Variants in PCLO observed in about 807,000 individuals in gnomAD.
PCLO encodes the protein protein piccolo.
A neutral mutation model predicts 427.5 loss-of-function variants in PCLO; 82 were observed. That is an observed-to-expected ratio of 0.19 (90% CI 0.16 to 0.23). The LOEUF is 0.23. Ranked by LOEUF, PCLO falls within the 10% of genes least tolerant of loss-of-function variation. PCLO has a pLI of 1.00. For missense variants in PCLO, 6,239 were observed against 6,115.9 expected, an observed-to-expected ratio of 1.02 and a Z score of -0.67; for synonymous variants, 2,357 against 2,155.4, an observed-to-expected ratio of 1.09 and a Z score of -2.59.
chr7:83,051,148 T>C (rs919568278), intron 3 of PCLO, among the ~76,000 whole-genome samples: 1 of 152,036 alleles, frequency 6.6e-6, no homozygotes. Flanking sequence ...CCCATAGGAT[T>C]GGGAATAAGG....
At chr7:82,813,885 T>G (rs2115587068) in intron 20 of PCLO, among the ~76,000 whole-genome samples, 1 of 151,972 alleles carries the variant, frequency 6.6e-6, no homozygotes. Flanking sequence ...AGCTTTCCAT[T>G]TTTCCTCAAA....
intron 3 of PCLO, among the ~76,000 whole-genome samples, chr7:83,068,868 C>A (rs927890339): frequency 6.6e-6 from 1 of 152,138 alleles, no homozygotes; most frequent in Non-Finnish European, 1.5e-5. Context: ...GACATGGAAA[C>A]AACCAAAGTA....
intron 3 of PCLO, among the ~76,000 whole-genome samples, chr7:83,056,945 T>C (rs1789394025): frequency 6.6e-6 from 1 of 152,170 alleles, no homozygotes; most frequent in Admixed American, 6.6e-5. Flanking sequence ...GCTAATATTT[T>C]ATATTCATCT....
At chr7:83,065,823 C>T (rs948209455) in intron 3 of PCLO, among the ~76,000 whole-genome samples, 27 of 152,034 alleles carry the variant, frequency 1.8e-4, no homozygotes, top group Admixed American at 8.5e-4. Context: ...ATAAGTGAAT[C>T]GTGTCAAAAA....
At chr7:82,941,156 A>T (rs79929044) in intron 6 of PCLO, among the ~76,000 whole-genome samples, 3,915 of 152,104 alleles carry the variant, frequency 0.026, 166 homozygotes, top group African/African-American at 0.091. Context: ...TTAAAATAGA[A>T]GAAAATCCCT....
chr7:82,957,045 T>TC, intron 4 of PCLO, 110 bp from the exon 5 acceptor site: 1 of 1,215,192 alleles, frequency 8.2e-7, no homozygotes, highest in South Asian at 2.5e-5. Flanking sequence ...TTTTGGAAAA[T>TC]TTTTTCAACC....
intron 12 of PCLO, among the ~76,000 whole-genome samples, chr7:82,845,902 T>G (rs183201078): frequency 6.6e-6 from 1 of 152,234 alleles, no homozygotes; most frequent in East Asian, 1.9e-4. Context: ...TATTTATATT[T>G]ACAAATGTAT....
chr7:82,899,297 G>A (rs906006091), intron 9 of PCLO, among the ~76,000 whole-genome samples: 1 of 151,336 alleles, frequency 6.6e-6, no homozygotes, highest in African/African-American at 2.4e-5. Context: ...ATGACACAGA[G>A]ACTAGCCAGG....
At chr7:83,149,047 ATTC>A (rs1584088679) in intron 2 of PCLO, among the ~76,000 whole-genome samples, 4 of 152,148 alleles carry the variant, frequency 2.6e-5, no homozygotes, top group African/African-American at 9.6e-5. Context: ...CTCCACTTCT[ATTC>A]TTCTTTTTGA....
chr7:83,062,637 G>A (rs1789568978), intron 3 of PCLO, among the ~76,000 whole-genome samples: 1 of 152,112 alleles, frequency 6.6e-6, no homozygotes, highest in Admixed American at 6.5e-5. Flanking sequence ...GCAGGTACCA[G>A]ATTCAATACC....
intron 3 of PCLO, among the ~76,000 whole-genome samples, chr7:82,988,112 T>A (rs1240259887): frequency 1.3e-5 from 2 of 152,126 alleles, no homozygotes; most frequent in Non-Finnish European, 2.9e-5. Flanking sequence ...GGTCTCTTAA[T>A]CTAGTGATCC....
intron 3 of PCLO, among the ~76,000 whole-genome samples, chr7:82,984,196 A>G (rs576718324): frequency 6.6e-6 from 1 of 152,170 alleles, no homozygotes; most frequent in East Asian, 1.9e-4. Context: ...TGGACTCTTA[A>G]TGTGAAAAAT....
intron 16 of PCLO, among the ~76,000 whole-genome samples, chr7:82,829,852 T>C (rs776472117): frequency 3.3e-4 from 50 of 151,974 alleles, no homozygotes; most frequent in Non-Finnish European, 5.1e-4. Flanking sequence ...AATAAATACA[T>C]TGTGATATAT....
intron 1 of PCLO, among the ~76,000 whole-genome samples, chr7:83,157,672 T>G (rs1792335473): frequency 1.3e-5 from 2 of 151,866 alleles, no homozygotes; most frequent in African/African-American, 4.8e-5. Context: ...TACTTTAACT[T>G]TTAAAATAAT....
chr7:83,052,878 A>C (rs781746415), intron 3 of PCLO, among the ~76,000 whole-genome samples: 8 of 151,904 alleles, frequency 5.3e-5, no homozygotes, highest in Non-Finnish European at 1.2e-4. Context: ...AATCATCTTA[A>C]TCTAATCTAC....
intron 23 of PCLO, 142 bp downstream of exon 23, chr7:82,761,217 C>A (rs1790426124): frequency 1.8e-6 from 1 of 544,536 alleles, no homozygotes; most frequent in African/African-American, 1.9e-5. Flanking sequence ...TGAAAGAAAA[C>A]AACTTGTTAC....
chr7:83,009,347 GAGA>G (rs1308938680), intron 3 of PCLO, among the ~76,000 whole-genome samples: 2 of 151,798 alleles, frequency 1.3e-5, no homozygotes, highest in African/African-American at 4.8e-5. Context: ...ATTAACACTA[GAGA>G]AGGATGACAG....
At chr7:83,050,270 TTA>T (rs1491434342) in intron 3 of PCLO, among the ~76,000 whole-genome samples, 51 of 42,310 alleles carry the variant, frequency 1.2e-3, no homozygotes, top group African/African-American at 9.6e-3. Flanking sequence ...GAAGTGCTTT[TTA>T]AAAAAAAAAA....
At chr7:83,161,777 T>C (rs1361540947) in intron 1 of PCLO, among the ~76,000 whole-genome samples, 1 of 152,198 alleles carries the variant, frequency 6.6e-6, no homozygotes, top group African/African-American at 2.4e-5. Context: ...GCCACACATA[T>C]TTTAGGGTTC....
Sources: allele counts gnomAD v4.1 joint callset (sites outside exome capture counted in the v4.1 genomes callset), GRCh38; gene constraint gnomAD v4.1.1; transcripts MANE v1.5; gene names NCBI Gene and HGNC (gene_info 2026-07-23, HGNC 2026-07-21).